Variants in NCOA2 observed in about 807,000 individuals in gnomAD.
NCOA2 encodes nuclear receptor coactivator 2.
A neutral mutation model predicts 145.1 loss-of-function variants in NCOA2; 21 were observed. The ratio of observed to expected loss-of-function variants is 0.14; its 90% CI spans 0.10 to 0.21. The LOEUF is 0.21. Ranked by LOEUF, NCOA2 falls within the 10% of genes least tolerant of loss-of-function variation. The probability of loss-of-function intolerance (pLI) is 1.00; values close to 1 mark genes in which losing one functional copy is unlikely to be tolerated. For synonymous variants in NCOA2, 619 were observed against 637.5 expected (o/e 0.97, Z 0.44); for missense variants, 1,472 against 1,837.6 (o/e 0.80, Z 3.64).
chr8:70,280,136 T>G (rs993020460), intron 2 of NCOA2, among the ~76,000 whole-genome samples: 3 of 152,202 alleles, frequency 2.0e-5, no homozygotes, highest in African/African-American at 7.2e-5. Context: ...TTATATAGTT[T>G]AAAGCTCAGA....
intron 1 of NCOA2, among the ~76,000 whole-genome samples, chr8:70,393,256 G>A (rs1320227916): frequency 6.6e-6 from 1 of 152,212 alleles, no homozygotes; most frequent in African/African-American, 2.4e-5. Context: ...CACAGAGGAT[G>A]AGGGCAGAAG....
the NCOA2 span, among the ~76,000 whole-genome samples, chr8:70,445,103 C>A: frequency 6.6e-6 from 1 of 152,198 alleles, no homozygotes; most frequent in South Asian, 2.1e-4. Flanking sequence ...ACTGTTTTAC[C>A]ACACTTTTTT....
intron 4 of NCOA2, among the ~76,000 whole-genome samples, chr8:70,181,580 T>C (rs775674816): frequency 1.2e-4 from 18 of 152,096 alleles, no homozygotes; most frequent in Non-Finnish European, 5.9e-5. Flanking sequence ...CTGAGGAGAG[T>C]TGTTTTTACA....
chr8:70,112,263 G>A lies in NCOA2; in HGVS notation c.*1369C>T, dbSNP rs1284546385. On this transcript the variant is annotated 3_prime_UTR_variant, in exon 23 of 23. Transcript: ENST00000452400. The stretch of plus-strand genomic sequence containing the variant: ...TATCCTTTACAAAACACCTTTAGGA[G>A]ACATTGCTATGAAGATATCTAATTT... 5.0e-6 allele frequency: 1 copy of A among 198,674 alleles called. No individual in the cohort carries two copies. Among genetic ancestry groups the A allele is most frequent in the African/African-American group, 2.3e-5 (1 of 43,392 alleles). The allele number at this position is 198,674 out of a possible 1,614,324, so 12.3% of individuals were successfully genotyped here.
chr8:70,192,154 C>T (rs538301574), intron 4 of NCOA2, among the ~76,000 whole-genome samples: 8 of 152,284 alleles, frequency 5.3e-5, no homozygotes, highest in South Asian at 2.1e-4. Context: ...TGTATCTGTA[C>T]GTGGAATACC....
At chr8:70,249,589 G>C (rs1420893010) in intron 2 of NCOA2, among the ~76,000 whole-genome samples, 3 of 152,124 alleles carry the variant, frequency 2.0e-5, no homozygotes, top group Non-Finnish European at 4.4e-5. Context: ...CATAGCATAG[G>C]AAGACATCAA....
chr8:70,201,785 G>T (rs778296617), intron 4 of NCOA2, among the ~76,000 whole-genome samples: 2 of 152,120 alleles, frequency 1.3e-5, no homozygotes, highest in Admixed American at 6.5e-5. Context: ...AAGCTTCAGC[G>T]CAAGAAATAC....
chr8:70,386,667 G>A (rs571902990), intron 1 of NCOA2, among the ~76,000 whole-genome samples: 3 of 152,178 alleles, frequency 2.0e-5, no homozygotes, highest in Non-Finnish European at 4.4e-5. Flanking sequence ...AACTAATGCC[G>A]TTCAATCTTC....
At chr8:70,289,150 T>C (rs758150545) in intron 2 of NCOA2, among the ~76,000 whole-genome samples, 4 of 152,220 alleles carry the variant, frequency 2.6e-5, no homozygotes, top group Non-Finnish European at 4.4e-5. Flanking sequence ...TCATACTCTG[T>C]CTTATAACCC....
At chr8:70,322,238 A>G (rs373562477) in intron 1 of NCOA2, among the ~76,000 whole-genome samples, 1 of 152,136 alleles carries the variant, frequency 6.6e-6, no homozygotes, top group Admixed American at 6.5e-5. Flanking sequence ...ATAGCTTAAT[A>G]TTTTTGGCAT....
upstream of NCOA2, among the ~76,000 whole-genome samples, chr8:70,407,515 G>T (rs1418849601): frequency 1.3e-5 from 2 of 151,974 alleles, no homozygotes; most frequent in African/African-American, 4.8e-5. Flanking sequence ...TTGGCTGGGC[G>T]CAGTGGCTCA....
chr8:70,351,983 T>TA lies in NCOA2; in HGVS notation c.-77+51716_-77+51717insT, dbSNP rs532349475. Among the ~76,000 whole-genome samples, 185 of 148,994 alleles carry TA rather than the reference T, an allele frequency of 1.2e-3. 1 individual carries two copies. Among genetic ancestry groups the TA allele is most frequent in the East Asian group, 7.7e-3 (33 of 4,278 alleles). ...TTATGCTAACTGGGCAATTTTTTTT[T>TA]TAAAAAAGGAAGCAATCTTTTACAA... On this transcript the variant is annotated intron_variant, in intron 1 of 22. Transcript: ENST00000452400.
At chr8:70,166,282 C>T (rs528322905) in intron 7 of NCOA2, among the ~76,000 whole-genome samples, 11 of 152,294 alleles carry the variant, frequency 7.2e-5, no homozygotes, top group African/African-American at 1.9e-4. Flanking sequence ...TTAAAACTCC[C>T]GCCCCCTAGC....
intron 1 of NCOA2, among the ~76,000 whole-genome samples, chr8:70,357,162 T>C (rs1023702667): frequency 1.3e-5 from 2 of 152,188 alleles, no homozygotes; most frequent in South Asian, 2.1e-4. Flanking sequence ...TTATTTGAAA[T>C]GCCCTCCTCT....
intron 9 of NCOA2, among the ~76,000 whole-genome samples, chr8:70,160,684 A>AGAGAGAGAGAGAGAGAGAGAGAGG (rs1563547162): frequency 6.8e-6 from 1 of 147,742 alleles, no homozygotes; most frequent in Admixed American, 6.7e-5. Flanking sequence ...AGAGAGAGGG[A>AGAGAGAGAGAGAGAGAGAGAGAGG]GAGAGAGAGA....
chr8:70,442,886 G>A, the NCOA2 span, among the ~76,000 whole-genome samples: 1 of 152,110 alleles, frequency 6.6e-6, no homozygotes, highest in Admixed American at 6.5e-5. Context: ...GGATTCCAAT[G>A]TCTCACATTT....
At chr8:70,452,732 A>G in the NCOA2 span, among the ~76,000 whole-genome samples, 78 of 149,770 alleles carry the variant, frequency 5.2e-4, no homozygotes, top group Non-Finnish European at 1.0e-3. Context: ...TTGCAAAAAG[A>G]AAAAAAAAAG....
At chr8:70,349,173 G>A (rs1357438464) in intron 1 of NCOA2, among the ~76,000 whole-genome samples, 1 of 151,926 alleles carries the variant, frequency 6.6e-6, no homozygotes. Flanking sequence ...TAACAGTATA[G>A]TCCCTACTAT....
chr8:70,315,906 C>T (rs1239129525), intron 1 of NCOA2, among the ~76,000 whole-genome samples: 1 of 152,150 alleles, frequency 6.6e-6, no homozygotes, highest in Non-Finnish European at 1.5e-5. Context: ...CTGAATTGAG[C>T]CCTAATCTGA....
Sources: allele counts gnomAD v4.1 joint callset (sites outside exome capture counted in the v4.1 genomes callset), GRCh38; gene constraint gnomAD v4.1.1; transcripts MANE v1.5; gene names NCBI Gene and HGNC (gene_info 2026-07-23, HGNC 2026-07-21).